Variants in TLK1 observed in about 807,000 individuals in gnomAD.
TLK1 encodes serine/threonine-protein kinase tousled-like 1.
A neutral mutation model predicts 105.3 loss-of-function variants in TLK1; 24 were observed. That is an observed-to-expected ratio of 0.23 (90% CI 0.17 to 0.32). TLK1 has a LOEUF of 0.32. Among genes scored for constraint, TLK1 ranks in the 10% least tolerant of loss-of-function variants. The probability of loss-of-function intolerance (pLI) is 1.00; values close to 1 mark genes in which losing one functional copy is unlikely to be tolerated. For missense variants in TLK1, 558 were observed against 910.5 expected, an observed-to-expected ratio of 0.61 and a Z score of 4.98; for synonymous variants, 321 against 310.4, an observed-to-expected ratio of 1.03 and a Z score of -0.36.
At chr2:171,046,837 T>C (rs540005367) in intron 10 of TLK1, among the ~76,000 whole-genome samples, 37 of 152,284 alleles carry the variant, frequency 2.4e-4, no homozygotes, top group Non-Finnish European at 3.7e-4. Context: ...TATTAAAGTA[T>C]GGGGTATATG....
chr2:171,014,032 A>G (rs180753056), intron 13 of TLK1, among the ~76,000 whole-genome samples: 94 of 152,344 alleles, frequency 6.2e-4, no homozygotes, highest in African/African-American at 2.2e-3. Flanking sequence ...CACAGACTGT[A>G]AGCTGTACTT....
chr2:171,144,471 T>G (rs1691714568), intron 1 of TLK1, among the ~76,000 whole-genome samples: 1 of 152,092 alleles, frequency 6.6e-6, no homozygotes, highest in Non-Finnish European at 1.5e-5. Flanking sequence ...GGATACAAAG[T>G]ACGTTCTCTG....
At chr2:171,152,752 T>A (rs1692093274) in intron 1 of TLK1, among the ~76,000 whole-genome samples, 1 of 152,144 alleles carries the variant, frequency 6.6e-6, no homozygotes, top group Non-Finnish European at 1.5e-5. Context: ...CAGTGGGAAG[T>A]TTTTTGTTCA....
intron 1 of TLK1, among the ~76,000 whole-genome samples, chr2:171,196,589 C>T (rs1010831251): frequency 3.9e-5 from 6 of 152,318 alleles, no homozygotes; most frequent in South Asian, 2.1e-4. Context: ...TGTCCGCTCT[C>T]GCAACCCCTT....
At chr2:171,152,604 G>C (rs932003560) in intron 1 of TLK1, among the ~76,000 whole-genome samples, 2 of 152,134 alleles carry the variant, frequency 1.3e-5, no homozygotes, top group African/African-American at 2.4e-5. Flanking sequence ...TAGCTAGACT[G>C]CACATCCTCT....
intron 1 of TLK1, among the ~76,000 whole-genome samples, chr2:171,190,482 A>G (rs917847159): frequency 2.6e-5 from 4 of 152,236 alleles, no homozygotes. Context: ...AATCAGATAC[A>G]TGAGAGAATC....
At chr2:171,127,904 CAT>C (rs1690937079) in intron 1 of TLK1, among the ~76,000 whole-genome samples, 1 of 152,076 alleles carries the variant, frequency 6.6e-6, no homozygotes, top group South Asian at 2.1e-4. Flanking sequence ...CACATACACA[CAT>C]AAACACAGAC....
chr2:171,025,762 G>A (rs946875245), intron 12 of TLK1, among the ~76,000 whole-genome samples: 1 of 152,132 alleles, frequency 6.6e-6, no homozygotes, highest in African/African-American at 2.4e-5. Flanking sequence ...CTGTGCTTCA[G>A]AATGCCAAAT....
At chr2:171,019,607 A>G (rs1685383314) in intron 12 of TLK1, among the ~76,000 whole-genome samples, 1 of 152,230 alleles carries the variant, frequency 6.6e-6, no homozygotes, top group African/African-American at 2.4e-5. Flanking sequence ...TCAATTTCTA[A>G]GAACTGCCTC....
intron 18 of TLK1, among the ~76,000 whole-genome samples, chr2:171,001,400 T>C (rs1462484838): frequency 6.6e-6 from 1 of 152,134 alleles, no homozygotes; most frequent in Non-Finnish European, 1.5e-5. Context: ...TAAAAGGTGA[T>C]CCCTTATTGG....
At chr2:170,995,380 T>C (rs765284351) in intron 20 of TLK1, among the ~76,000 whole-genome samples, 77 of 152,002 alleles carry the variant, frequency 5.1e-4, no homozygotes, top group Non-Finnish European at 1.0e-3. Context: ...ATCATATTAA[T>C]ATTATATCCC....
rs370358556 is a variant in TLK1, at chr2:171,094,658, G to A, written c.259-11806C>T. On this transcript the variant is annotated intron_variant, in intron 2 of 20. Coordinates refer to ENST00000431350, the MANE Select transcript of TLK1 (RefSeq NM_012290.5). The stretch of plus-strand genomic sequence containing the variant: ...AGTTTTGCTCTTGTTGCCCAGGCTG[G>A]AGTGCAATGGCGTGATCTCGGCTCA... Among the ~76,000 whole-genome samples, 621 of 152,202 alleles carry A rather than the reference G, an allele frequency of 4.1e-3. 3 individuals are homozygous for A. The highest frequency in any genetic ancestry group is 0.014 in the African/African-American group (575 of 41,534).
chr2:171,088,033 T>C (rs1689059765), intron 2 of TLK1, among the ~76,000 whole-genome samples: 1 of 152,170 alleles, frequency 6.6e-6, no homozygotes, highest in Non-Finnish European at 1.5e-5. Context: ...ATCATCCTAC[T>C]GCAAAACCCA....
intron 1 of TLK1, among the ~76,000 whole-genome samples, chr2:171,213,454 C>T (rs931900183): frequency 7.9e-5 from 12 of 151,704 alleles, no homozygotes; most frequent in East Asian, 2.0e-4. Context: ...CCTCTCACCT[C>T]GACCTCCCAA....
chr2:170,997,662 T>C (rs1684128506), intron 19 of TLK1, 50 bp downstream of exon 19: 1 of 1,247,938 alleles, frequency 8.0e-7, no homozygotes, highest in Non-Finnish European at 1.1e-6. Context: ...AAGGAAAAAT[T>C]CAACTTAATT....
chr2:171,120,097 A>T (rs146001414), intron 1 of TLK1, among the ~76,000 whole-genome samples: 1,693 of 152,028 alleles, frequency 0.011, 37 homozygotes, highest in African/African-American at 0.039. Flanking sequence ...AAATACAAAA[A>T]AATTAGCCGA....
chr2:171,066,752 T>C, intron 3 of TLK1: 1 of 1,343,998 alleles, frequency 7.4e-7, no homozygotes, highest in Non-Finnish European at 1.0e-6. Flanking sequence ...CACTTTCCCT[T>C]CTCTGGCTAT....
At chr2:170,998,670 AG>A (rs1402847970) in intron 18 of TLK1, among the ~76,000 whole-genome samples, 1 of 152,226 alleles carries the variant, frequency 6.6e-6, no homozygotes, top group Non-Finnish European at 1.5e-5. Context: ...GAGCAGCTCA[AG>A]GAACTCTTAT....
At chr2:171,079,084 A>G (rs973019772) in intron 3 of TLK1, among the ~76,000 whole-genome samples, 2 of 152,218 alleles carry the variant, frequency 1.3e-5, no homozygotes, top group African/African-American at 4.8e-5. Context: ...GGTATTTTTT[A>G]AAGCTTTTCC....
Sources: gnomAD v4.1 joint callset for allele counts (sites outside exome capture counted in the v4.1 genomes callset) on GRCh38, gnomAD v4.1.1 for gene constraint, MANE v1.5 for transcripts, NCBI Gene and HGNC (gene_info 2026-07-23, HGNC 2026-07-21) for gene names.